AK7: variants seen among roughly 807,000 people sequenced by gnomAD.
The protein encoded by AK7 is ATP-AMP transphosphorylase 7.
AK7 carries 78 observed loss-of-function variants against 96.6 expected under a neutral mutation model. The observed-to-expected ratio is 0.81, with a 90% CI of 0.67 to 0.97. The LOEUF is 0.97. Among genes scored for constraint, AK7 ranks in the 50% least tolerant of loss-of-function variants. The probability of loss-of-function intolerance (pLI) is 0.00; values close to 1 mark genes in which losing one functional copy is unlikely to be tolerated. For missense variants in AK7, 855 were observed against 887.9 expected, an observed-to-expected ratio of 0.96 and a Z score of 0.47; for synonymous variants, 302 against 317.2, an observed-to-expected ratio of 0.95 and a Z score of 0.51.
At position 96,446,526 on chromosome 14, in the gene AK7, A is replaced by G; in HGVS notation, c.789A>G (p.Gln263=). The change falls in exon 8 of 18, where the codon CAA becomes CAG. Residue 263 remains glutamine (Q), a synonymous_variant. Coordinates refer to ENST00000267584, the MANE Select transcript of AK7 (RefSeq NM_152327.5). ...IHVLDLAGVI[Q]NVIDHVPKPH... ...ACCTGTGGGTCTGCAGAGTGATACA[A>G]AACGTCATAGATCACGTGCCAAAGC... is the stretch of plus-strand genomic sequence containing the variant. 2 of 1,614,126 alleles carry G rather than the reference A, an allele frequency of 1.2e-6. No homozygotes were observed. The highest frequency in any genetic ancestry group is 1.7e-6 in the Non-Finnish European group (2 of 1,179,992).
chr14:96,423,827 T>C (rs1486033832), intron 5 of AK7: 2 of 777,374 alleles, frequency 2.6e-6, no homozygotes, highest in African/African-American at 3.4e-5. Flanking sequence ...GCCACGGTGG[T>C]CTCCGGAGCG....
At chr14:96,423,339 C>G (rs1891823864) in intron 5 of AK7, among the ~76,000 whole-genome samples, 1 of 152,160 alleles carries the variant, frequency 6.6e-6, no homozygotes, top group African/African-American at 2.4e-5. Flanking sequence ...TTTTTAACCT[C>G]CCTTAAAGAT....
intron 12 of AK7, among the ~76,000 whole-genome samples, chr14:96,465,417 C>A (rs1894507175): frequency 6.6e-6 from 1 of 151,330 alleles, no homozygotes; most frequent in South Asian, 2.1e-4. Context: ...GAGCCAAGAT[C>A]ATGCCACTGC....
At chr14:96,459,742 T>A (rs777249609) in intron 12 of AK7, among the ~76,000 whole-genome samples, 2 of 151,484 alleles carry the variant, frequency 1.3e-5, no homozygotes, top group Non-Finnish European at 2.9e-5. Context: ...CCAGGCACGG[T>A]GGTAGGTGCC....
intron 5 of AK7, among the ~76,000 whole-genome samples, chr14:96,427,106 G>A (rs559029958): frequency 7.9e-5 from 12 of 152,276 alleles, no homozygotes; most frequent in African/African-American, 2.4e-4. Flanking sequence ...TTAGCCAGGC[G>A]TGGTAGTGCA....
intron 5 of AK7, among the ~76,000 whole-genome samples, chr14:96,436,060 A>T (rs1892620743): frequency 6.6e-6 from 1 of 151,648 alleles, no homozygotes. Context: ...TGCAGGGGAG[A>T]TTTCCATCCC....
chr14:96,438,865 G>A (rs2140085709), intron 6 of AK7, among the ~76,000 whole-genome samples: 1 of 152,284 alleles, frequency 6.6e-6, no homozygotes, highest in East Asian at 1.9e-4. Context: ...ACTGGAAACT[G>A]TTCAGATTTC....
At chr14:96,421,793 G>C (rs1301585527) in intron 5 of AK7, among the ~76,000 whole-genome samples, 1 of 151,998 alleles carries the variant, frequency 6.6e-6, no homozygotes, top group African/African-American at 2.4e-5. Flanking sequence ...TTTTAGTAGA[G>C]TCAGAGTTCC....
intron 7 of AK7, among the ~76,000 whole-genome samples, chr14:96,443,771 A>C (rs956529049): frequency 2.6e-5 from 3 of 115,764 alleles, no homozygotes; most frequent in Non-Finnish European, 5.1e-5. Flanking sequence ...ATAACAAAAA[A>C]AACTCATAAT....
chr14:96,404,820 A>T lies in AK7; in HGVS notation c.358A>T (p.Thr120Ser), dbSNP rs1468000711. ...LECDVIIYNI[T>S]ESSQQMEEAI... ...GTGTGATGTTATTATTTATAACATC[A>T]CTGAGAGCTCACAGCAAATGGAGGA... is the stretch of plus-strand genomic sequence containing the variant. The change falls in exon 3 of 18, where the codon ACT (threonine) becomes TCT (serine). Residue 120 changes from threonine to serine, a missense_variant. Thr to Ser is a moderately conservative substitution (Grantham distance 58, BLOSUM62 1). Transcript: ENST00000267584. The T allele has an allele frequency of 6.2e-7, 1 of 1,610,662 alleles. No individual in the cohort carries two copies. The highest frequency in any genetic ancestry group is 1.1e-5 in the South Asian group (1 of 90,802).
At chr14:96,481,852 G>A (rs984621297) in intron 15 of AK7, among the ~76,000 whole-genome samples, 4 of 151,470 alleles carry the variant, frequency 2.6e-5, no homozygotes, top group African/African-American at 9.7e-5. Context: ...CTACAGGTGT[G>A]CACCACCACA....
At chr14:96,411,901 C>T (rs1227057521) in intron 4 of AK7, among the ~76,000 whole-genome samples, 37 of 152,210 alleles carry the variant, frequency 2.4e-4, no homozygotes, top group Admixed American at 2.4e-3. Context: ...TCTTACAAAA[C>T]CCATGGTCAG....
chr14:96,443,145 C>T (rs1449081551), intron 7 of AK7, among the ~76,000 whole-genome samples: 1 of 152,070 alleles, frequency 6.6e-6, no homozygotes, highest in Non-Finnish European at 1.5e-5. Context: ...TTCCTTTGTC[C>T]CAGATGAGAT....
chr14:96,451,821 GATA>G (rs1893622980), intron 10 of AK7, among the ~76,000 whole-genome samples: 1 of 151,980 alleles, frequency 6.6e-6, no homozygotes, highest in African/African-American at 2.4e-5. Context: ...TTAATAATTA[GATA>G]ATATCTAATA....
At chr14:96,442,892 G>A (rs1893035827) in intron 7 of AK7, 74 bp downstream of exon 7, 5 of 1,377,980 alleles carry the variant, frequency 3.6e-6, no homozygotes, top group South Asian at 3.5e-5. Flanking sequence ...TACTTTTTGA[G>A]CATTTGCCTA....
intron 5 of AK7, 98 bp downstream of exon 5, chr14:96,421,030 G>C: frequency 1.2e-6 from 1 of 814,482 alleles, no homozygotes; most frequent in East Asian, 2.8e-5. Flanking sequence ...CTGAGCTTTA[G>C]GCTCACCCCA....
intron 16 of AK7, among the ~76,000 whole-genome samples, chr14:96,484,666 A>C (rs1241311671): frequency 6.6e-6 from 1 of 152,230 alleles, no homozygotes; most frequent in Non-Finnish European, 1.5e-5. Flanking sequence ...TGGTCTCTGT[A>C]AAATTCAATG....
intron 4 of AK7, among the ~76,000 whole-genome samples, chr14:96,414,889 A>G (rs1033595436): frequency 6.7e-5 from 10 of 149,414 alleles, no homozygotes; most frequent in Non-Finnish European, 1.3e-4. Flanking sequence ...ATTAGCTGGG[A>G]CTACAGGCAC....
At chr14:96,474,826 G>C (rs1425305056) in intron 14 of AK7, among the ~76,000 whole-genome samples, 1 of 152,166 alleles carries the variant, frequency 6.6e-6, no homozygotes, top group Non-Finnish European at 1.5e-5. Flanking sequence ...CTGGCAATTG[G>C]TCGTGCACAA....
Sources: allele counts gnomAD v4.1 joint callset (sites outside exome capture counted in the v4.1 genomes callset), GRCh38; gene constraint gnomAD v4.1.1; transcripts MANE v1.5; gene names NCBI Gene and HGNC (gene_info 2026-07-23, HGNC 2026-07-21).